Variants in CEP128 observed in about 807,000 individuals in gnomAD.
The protein encoded by CEP128 is centrosomal protein 128kDa.
Under a neutral mutation model 156.7 loss-of-function variants are expected in CEP128, and 132 were observed. That is an observed-to-expected ratio of 0.84 (90% confidence interval 0.73 to 0.97). The LOEUF (loss-of-function observed/expected upper bound fraction) is 0.97. Ranked by LOEUF, CEP128 falls within the 50% of genes least tolerant of loss-of-function variation. The pLI is 0.00. For missense variants in CEP128, 1,252 were observed against 1,281.9 expected (o/e 0.98, Z 0.36); for synonymous variants, 469 against 448.9 (o/e 1.04, Z -0.57).
At chr14:80,524,892 G>C (rs1888909027) in intron 23 of CEP128, among the ~76,000 whole-genome samples, 1 of 152,140 alleles carries the variant, frequency 6.6e-6, no homozygotes. Context: ...ATTTTGCTAA[G>C]TGCTGGCCCC....
At chr14:80,654,934 G>T (rs763999700) in intron 19 of CEP128, among the ~76,000 whole-genome samples, 1 of 152,066 alleles carries the variant, frequency 6.6e-6, no homozygotes, top group Non-Finnish European at 1.5e-5. Context: ...GAATGGAACT[G>T]GTATAAACAA....
downstream of CEP128, among the ~76,000 whole-genome samples, chr14:80,487,733 T>C (rs1047566709): frequency 8.5e-5 from 13 of 152,054 alleles, no homozygotes; most frequent in African/African-American, 2.9e-4. Context: ...CACTCAAAAC[T>C]GCTCAACTAC....
intron 19 of CEP128, among the ~76,000 whole-genome samples, chr14:80,626,178 G>A (rs1233168821): frequency 2.6e-5 from 4 of 152,172 alleles, no homozygotes; most frequent in African/African-American, 9.7e-5. Flanking sequence ...TTAAGAGTGA[G>A]ACAGGGCCGG....
rs569881571 is a variant in CEP128 at position 80,800,363 on chromosome 14, T to C, written c.1210-7253A>G. ...TTTAGGAACTCGATAAAGAGAACTT[T>C]TTATATCTTGCTAGCAACAATGTTA... On this transcript the variant is annotated intron_variant, in intron 13 of 24. Transcript: ENST00000555265. Among the ~76,000 whole-genome samples, 116 of 152,218 alleles carry C rather than the reference T, an allele frequency of 7.6e-4. 2 individuals are homozygous for C. Among genetic ancestry groups the C allele is most frequent in the South Asian group, 4.1e-4 (2 of 4,832 alleles).
intron 22 of CEP128, 111 bp from the exon 23 acceptor site, chr14:80,527,093 A>G: frequency 1.7e-6 from 1 of 599,050 alleles, no homozygotes; most frequent in Middle Eastern, 4.3e-4. Context: ...ATAAATAATT[A>G]CAAAAATTTA....
At chr14:80,482,850 G>A (rs17528984) in intron 14 of CEP128, among the ~76,000 whole-genome samples, 43,595 of 152,130 alleles carry the variant, frequency 0.29, 6,954 homozygotes, top group Admixed American at 0.4. Context: ...TATAGCAGAC[G>A]CTTAGCCCAA....
chr14:80,766,163 C>T (rs1385228272), intron 16 of CEP128, among the ~76,000 whole-genome samples: 1 of 152,130 alleles, frequency 6.6e-6, no homozygotes, highest in African/African-American at 2.4e-5. Flanking sequence ...ATAAAATCTG[C>T]TTTAGTCCAA....
intron 11 of CEP128, among the ~76,000 whole-genome samples, chr14:80,837,435 T>C (rs1595478002): frequency 4.6e-5 from 7 of 151,844 alleles, no homozygotes; most frequent in Admixed American, 6.5e-5. Context: ...TTAAGCCTTA[T>C]CGGCCGGGCG....
chr14:80,746,664 T>C (rs1425494808), intron 18 of CEP128, among the ~76,000 whole-genome samples: 1 of 152,230 alleles, frequency 6.6e-6, no homozygotes, highest in African/African-American at 2.4e-5. Context: ...GCATAAATCG[T>C]TGTGACCTTG....
At chr14:80,851,245 G>A (rs1016507) in intron 9 of CEP128, among the ~76,000 whole-genome samples, 48,392 of 151,964 alleles carry the variant, frequency 0.32, 8,721 homozygotes, top group Non-Finnish European at 0.4. Flanking sequence ...TACATTCTTT[G>A]GCAAAAGGCA....
chr14:80,775,369 GGAT>G (rs2139757372), intron 16 of CEP128, among the ~76,000 whole-genome samples: 1 of 152,144 alleles, frequency 6.6e-6, no homozygotes, highest in Non-Finnish European at 1.5e-5. Context: ...AACTATAAAT[GGAT>G]CAACACAAAC....
chr14:80,623,403 T>C (rs1380048236), intron 19 of CEP128, among the ~76,000 whole-genome samples: 1 of 151,742 alleles, frequency 6.6e-6, no homozygotes, highest in Non-Finnish European at 1.5e-5. Context: ...GGCACATGTA[T>C]ACATATGTAA....
At chr14:80,586,023 C>A (rs1259466016) in intron 19 of CEP128, among the ~76,000 whole-genome samples, 1 of 152,130 alleles carries the variant, frequency 6.6e-6, no homozygotes, top group Non-Finnish European at 1.5e-5. Flanking sequence ...GGGTCAGTTT[C>A]TCTTTTTCTT....
At chr14:80,789,137 T>G (rs534638595) in intron 14 of CEP128, among the ~76,000 whole-genome samples, 1 of 151,910 alleles carries the variant, frequency 6.6e-6, no homozygotes, top group East Asian at 1.9e-4. Context: ...GTAAAATATA[T>G]GAGGGAGAAG....
intron 19 of CEP128, among the ~76,000 whole-genome samples, chr14:80,603,357 G>A (rs999891688): frequency 1.3e-5 from 2 of 152,080 alleles, no homozygotes; most frequent in Non-Finnish European, 2.9e-5. Flanking sequence ...GAGGGATATG[G>A]GAGTAACTGT....
chr14:80,949,941 T>G (rs541766153), intron 2 of CEP128, among the ~76,000 whole-genome samples: 1 of 152,348 alleles, frequency 6.6e-6, no homozygotes, highest in South Asian at 2.1e-4. Context: ...TGTTGAGTTT[T>G]GTTCCCCAAA....
At position 80,824,515 on chromosome 14, in the gene CEP128, A is replaced by G. The variant is rs1051672865; in HGVS notation, c.1209+6628T>C. Among the ~76,000 whole-genome samples the G allele has an allele frequency of 1.3e-4, 20 of 152,318 alleles. 1 individual carries two copies. Among genetic ancestry groups the G allele is most frequent in the African/African-American group, 4.8e-4 (20 of 41,572 alleles). On this transcript the variant is annotated intron_variant, in intron 13 of 24. Transcript: ENST00000555265. ...CTCTTGAATGCTTTGCTGCTTAAAA[A>G]TTTATTCTGAACAGATATCCTAAAA...
chr14:80,616,764 TA>T (rs1431855645), intron 19 of CEP128, among the ~76,000 whole-genome samples: 1 of 152,222 alleles, frequency 6.6e-6, no homozygotes, highest in African/African-American at 2.4e-5. Context: ...CATCAAGGTG[TA>T]ACTGTAGTTT....
At chr14:80,503,813 T>C (rs1887846636) in intron 24 of CEP128, among the ~76,000 whole-genome samples, 1 of 152,060 alleles carries the variant, frequency 6.6e-6, no homozygotes, top group African/African-American at 2.4e-5. Context: ...CTTGGGAAAA[T>C]GATTAGGACA....
Sources: allele counts gnomAD v4.1 joint callset (sites outside exome capture counted in the v4.1 genomes callset), GRCh38; gene constraint gnomAD v4.1.1; transcripts MANE v1.5; gene names NCBI Gene and HGNC (gene_info 2026-07-23, HGNC 2026-07-21).